EMC3: variants seen among roughly 807,000 people sequenced by gnomAD.
EMC3 encodes the protein ER membrane protein complex subunit 3.
In EMC3, 13 loss-of-function variants were observed where a neutral mutation model predicts 36.6. The ratio of observed to expected loss-of-function variants is 0.35; its 90% confidence interval spans 0.23 to 0.56. The LOEUF (loss-of-function observed/expected upper bound fraction) is 0.56. Ranked by LOEUF, EMC3 falls within the 20% of genes least tolerant of loss-of-function variation. The probability of loss-of-function intolerance (pLI) is 0.84; values close to 1 mark genes in which losing one functional copy is unlikely to be tolerated. For synonymous variants in EMC3, 120 were observed against 111.9 expected (o/e 1.07, Z -0.46); for missense variants, 220 against 324.5 (o/e 0.68, Z 2.47).
chr3:9,992,083 AC>A (rs1390268075), intron 1 of EMC3, among the ~76,000 whole-genome samples: 1 of 150,926 alleles, frequency 6.6e-6, no homozygotes, highest in Non-Finnish European at 1.5e-5. Flanking sequence ...GGAGTTGGGG[AC>A]CCCTGATCTA....
chr3:9,963,982 T>C lies in EMC3; in HGVS notation c.*87A>G. On this transcript the variant is annotated 3_prime_UTR_variant, in exon 8 of 8. Coordinates refer to ENST00000245046, the MANE Select transcript of EMC3 (RefSeq NM_001394674.1). ...GCCTGCCAGCTCGTGCATCCTCCTT[T>C]TTATTTCAAGAGGTGCCAGCTCCAA... 1 of 1,565,652 alleles carries C rather than the reference T, an allele frequency of 6.4e-7. No individual in the cohort carries two copies. The highest frequency in any genetic ancestry group is 1.2e-5 in the South Asian group (1 of 81,956).
chr3:9,999,322 A>G (rs746317740), intron 1 of EMC3, among the ~76,000 whole-genome samples: 17 of 151,748 alleles, frequency 1.1e-4, no homozygotes, highest in Non-Finnish European at 2.1e-4. Context: ...ACTCTCTGCA[A>G]TCTCTACCTT....
In EMC3 at chr3:9,963,588, C is replaced by T. The variant is rs2085709709; in HGVS notation, c.*481G>A. 1.3e-5 allele frequency: 2 copies of T among 151,898 alleles called. No homozygotes were observed. Among genetic ancestry groups the T allele is most frequent in the South Asian group, 2.1e-4 (1 of 4,874 alleles). 9.4% of individuals were successfully genotyped at this position (151,898 alleles called of 1,614,324 possible). On this transcript the variant is annotated 3_prime_UTR_variant, in exon 8 of 8. Transcript: ENST00000245046. The stretch of plus-strand genomic sequence containing the variant: ...CTCCTAGGTTTAAGCAGTTCTCTGC[C>T]TCAGCCTCCCAAGTAGCTGGGATTA...
chr3:9,966,436 T>C (rs1363193744), intron 7 of EMC3, among the ~76,000 whole-genome samples: 2 of 152,072 alleles, frequency 1.3e-5, no homozygotes, highest in Non-Finnish European at 2.9e-5. Context: ...TTGACCAAGC[T>C]GATCTTGAAC....
At chr3:9,991,490 G>A (rs761823918), upstream of EMC3, among the ~76,000 whole-genome samples, 1 of 152,098 alleles carries the variant, frequency 6.6e-6, no homozygotes, top group Non-Finnish European at 1.5e-5. Context: ...TTTTACAAAA[G>A]CAGAATCTTA....
chr3:9,996,891 C>A (rs2086132922), intron 1 of EMC3, among the ~76,000 whole-genome samples: 1 of 152,148 alleles, frequency 6.6e-6, no homozygotes, highest in Non-Finnish European at 1.5e-5. Context: ...TGCCTTAAAT[C>A]AGTAATATAA....
chr3:9,997,357 G>A lies in EMC3; in HGVS notation c.-241-10455C>T, dbSNP rs568532566. ...AGTCCTGGGATTACAGGCGTGTGCC[G>A]CCACGCCCAGCCAGCATATTTTCAA... On this transcript the variant is annotated intron_variant, in intron 1 of 8. Coordinates refer to the EMC3 transcript ENST00000470827. Among the ~76,000 whole-genome samples the A allele has an allele frequency of 1.1e-4, 16 of 150,984 alleles. 1 individual carries two copies. The highest frequency in any genetic ancestry group is 8.6e-4 in the Admixed American group (13 of 15,196).
chr3:10,001,116 G>A (rs958644014), intron 1 of EMC3, among the ~76,000 whole-genome samples: 1 of 151,880 alleles, frequency 6.6e-6, no homozygotes, highest in African/African-American at 2.4e-5. Context: ...CTTAAATTTA[G>A]GTCTTTGATC....
intron 1 of EMC3, chr3:10,007,381 G>A (rs761337348): frequency 1.5e-6 from 2 of 1,365,262 alleles, no homozygotes; most frequent in Non-Finnish European, 2.0e-6. Flanking sequence ...CTGAAGCCCT[G>A]GGAACCAGAC....
Position 9,986,822 on chromosome 3 carries a change from G to C in EMC3, c.-161C>G, listed in dbSNP as rs1054506304. ...GAGCCGAGCTTACTGCCTTCAGCTG[G>C]GCTGCCTGGTCTTCCACTTCCGGCG... On this transcript the variant is annotated 5_prime_UTR_variant, in exon 1 of 8. Transcript: ENST00000245046. 3.1e-5 allele frequency: 44 copies of C among 1,412,318 alleles called. No homozygotes were observed. Among genetic ancestry groups the C allele is most frequent in the African/African-American group, 5.8e-5 (4 of 69,452 alleles). The allele number at this position is 1,412,318 out of a possible 1,614,324, so 87.5% of individuals were successfully genotyped here.
intron 1 of EMC3, among the ~76,000 whole-genome samples, chr3:9,982,185 C>T (rs1000626481): frequency 6.6e-6 from 1 of 151,576 alleles, no homozygotes; most frequent in Non-Finnish European, 1.5e-5. Context: ...CCTGACCTCA[C>T]GTGATCCACC....
At chr3:10,009,965 T>G (rs1412305144) in intron 1 of EMC3, 1 of 152,448 alleles carries the variant, frequency 6.6e-6, no homozygotes, top group Non-Finnish European at 1.5e-5. Flanking sequence ...TGGGTCCTCC[T>G]GCTTCCCCAT....
chr3:9,987,271 AAAT>A (rs2124921673), upstream of EMC3: 1 of 984,868 alleles, frequency 1.0e-6, no homozygotes, highest in East Asian at 1.1e-4. Flanking sequence ...CTCGGTGAGT[AAAT>A]GGAGCAGTGG....
intron 1 of EMC3, among the ~76,000 whole-genome samples, chr3:9,992,283 G>A (rs906234630): frequency 6.6e-6 from 1 of 151,906 alleles, no homozygotes; most frequent in African/African-American, 2.4e-5. Flanking sequence ...ACCACGACTG[G>A]CCAATTTTTT....
chr3:9,970,671 C>T lies in EMC3; in HGVS notation c.495-10G>A. On this transcript the variant is annotated splice_polypyrimidine_tract_variant and intron_variant, in intron 5 of 7. Transcript: ENST00000245046. ...GGATGCAGAACTCACCCTGGCAAAG[C>T]AAAATGAAAATGGTGTGGTTAGTTA... 15 of 1,613,946 alleles carry T rather than the reference C, an allele frequency of 9.3e-6. No homozygotes were observed. Among genetic ancestry groups the T allele is most frequent in the Non-Finnish European group, 1.3e-5 (15 of 1,179,888 alleles).
At chr3:9,983,566 A>C (rs1183093067) in intron 1 of EMC3, among the ~76,000 whole-genome samples, 5 of 151,922 alleles carry the variant, frequency 3.3e-5, no homozygotes, top group Non-Finnish European at 7.4e-5. Flanking sequence ...CAGCCACTCG[A>C]GAGGTTGAGG....
At chr3:9,984,769 T>A (rs1020685225) in intron 1 of EMC3, among the ~76,000 whole-genome samples, 4 of 152,124 alleles carry the variant, frequency 2.6e-5, no homozygotes, top group African/African-American at 9.7e-5. Context: ...TACAGAAAGA[T>A]AAAGTGATCG....
rs147417102 is a variant in EMC3 at position 9,973,660 on chromosome 3, T to C, written c.462A>G (p.Gln154=). Residue 154 remains glutamine, a synonymous_variant, in exon 5 of 8, where the codon CAA becomes CAG. Coordinates refer to ENST00000245046, the MANE Select transcript of EMC3 (RefSeq NM_001394674.1). ...LTLRFKPMLQ[Q]GIELLTLDAS... ...CATCTAATGTGAGTAGCTCGATTCC[T>C]TGCTGTAACATAGGCTTAAAACGGA... 5.0e-6 allele frequency: 8 copies of C among 1,614,056 alleles called. No individual in the cohort carries two copies. The highest frequency in any genetic ancestry group is 4.0e-5 in the African/African-American group (3 of 74,914).
intron 7 of EMC3, among the ~76,000 whole-genome samples, chr3:9,967,693 T>C (rs571550742): frequency 1.3e-5 from 2 of 152,366 alleles, no homozygotes; most frequent in Non-Finnish European, 2.9e-5. Context: ...TGTGATTCCC[T>C]TGAATTTCCA....
Sources: allele counts gnomAD v4.1 joint callset (sites outside exome capture counted in the v4.1 genomes callset), GRCh38; gene constraint gnomAD v4.1.1; transcripts MANE v1.5; gene names NCBI Gene and HGNC (gene_info 2026-07-23, HGNC 2026-07-21).